Variants in WASF2 observed in about 807,000 individuals in gnomAD.
WASF2 encodes WASP family member 2.
In WASF2, 14 loss-of-function variants were observed where a neutral mutation model predicts 45.0. The observed-to-expected ratio is 0.31, with a 90% CI of 0.21 to 0.49. WASF2 has a LOEUF of 0.49. Among genes scored for constraint, WASF2 ranks in the 20% least tolerant of loss-of-function variants. WASF2 has a pLI of 0.99. For missense variants in WASF2, 439 were observed against 636.1 expected, an observed-to-expected ratio of 0.69 and a Z score of 3.33; for synonymous variants, 200 against 236.3, an observed-to-expected ratio of 0.85 and a Z score of 1.41.
intron 1 of WASF2, among the ~76,000 whole-genome samples, chr1:27,459,746 T>A (rs2017519693): frequency 6.6e-6 from 1 of 152,214 alleles, no homozygotes; most frequent in African/African-American, 2.4e-5. Context: ...AGGAAGGCTA[T>A]CTGATATAAA....
chr1:27,472,073 C>G (rs2017696249), intron 1 of WASF2, among the ~76,000 whole-genome samples: 1 of 152,154 alleles, frequency 6.6e-6, no homozygotes, highest in Non-Finnish European at 1.5e-5. Flanking sequence ...TGGCTTATGC[C>G]TGTAATCGCG....
intron 1 of WASF2, among the ~76,000 whole-genome samples, chr1:27,442,004 G>A (rs1305903814): frequency 6.6e-6 from 1 of 151,538 alleles, no homozygotes; most frequent in Non-Finnish European, 1.5e-5. Context: ...TACTCAGGAG[G>A]CTGAGGCAAG....
At chr1:27,425,490 G>A (rs2016966102) in intron 2 of WASF2, among the ~76,000 whole-genome samples, 1 of 152,068 alleles carries the variant, frequency 6.6e-6, no homozygotes, top group African/African-American at 2.4e-5. Flanking sequence ...ATCACCTGAG[G>A]TCAGGAGTTT....
In WASF2 at chr1:27,414,825, T is replaced by C. The variant is rs1193092713; in HGVS notation, c.668+8A>G. The C allele has an allele frequency of 3.1e-6, 5 of 1,613,982 alleles. No homozygotes were observed. Among genetic ancestry groups the C allele is most frequent in the South Asian group, 1.1e-5 (1 of 91,070 alleles). ...GAATGCTACCAACAGTACAAAGGCA[T>C]TACCTACCCAGAAGTCCCCAGCTTT... On this transcript the variant is annotated splice_region_variant and intron_variant, in intron 6 of 8. Coordinates refer to ENST00000618852, the MANE Select transcript of WASF2 (RefSeq NM_006990.5). This position sits in a 1 kb window ranked among gnomAD's most constrained non-coding sequence, Gnocchi z 4.1.
chr1:27,482,576 GTAATCT>G (rs551904793), intron 1 of WASF2, among the ~76,000 whole-genome samples: 1 of 152,128 alleles, frequency 6.6e-6, no homozygotes, highest in Non-Finnish European at 1.5e-5. Context: ...TTTACTCTAT[GTAATCT>G]TAATCAGTGG....
At chr1:27,419,755 A>C (rs973494663) in intron 2 of WASF2, among the ~76,000 whole-genome samples, 3 of 152,236 alleles carry the variant, frequency 2.0e-5, no homozygotes, top group Non-Finnish European at 2.9e-5. Flanking sequence ...ATAGGAAATT[A>C]GTTCCTCAAT....
chr1:27,437,044 G>A (rs994344327), intron 1 of WASF2, among the ~76,000 whole-genome samples: 1 of 152,106 alleles, frequency 6.6e-6, no homozygotes, highest in Non-Finnish European at 1.5e-5. Context: ...TTGAGCATAA[G>A]GTACATCTAT....
At chr1:27,430,327 A>G (rs533322538) in intron 1 of WASF2, among the ~76,000 whole-genome samples, 1 of 152,290 alleles carries the variant, frequency 6.6e-6, no homozygotes, top group Non-Finnish European at 1.5e-5. Flanking sequence ...GTAAAGCATA[A>G]AGTTAACATA....
chr1:27,422,893 C>A (rs1284995707), intron 2 of WASF2, among the ~76,000 whole-genome samples: 2 of 152,148 alleles, frequency 1.3e-5, no homozygotes, highest in Non-Finnish European at 2.9e-5. Context: ...AATCCCAATG[C>A]TTTGGGAGGC....
chr1:27,408,470 G>A (rs1443523423), intron 8 of WASF2, 124 bp from the exon 9 acceptor site: 2 of 1,309,034 alleles, frequency 1.5e-6, no homozygotes, highest in African/African-American at 1.5e-5. Context: ...AGAAAAAGAA[G>A]GTTGTTATGG....
At chr1:27,430,062 G>A (rs975141555) in intron 1 of WASF2, among the ~76,000 whole-genome samples, 4 of 152,114 alleles carry the variant, frequency 2.6e-5, no homozygotes, top group Admixed American at 6.5e-5. Context: ...TTTCTTATCC[G>A]GTGGGCTGAG....
intron 2 of WASF2, among the ~76,000 whole-genome samples, chr1:27,421,523 C>CA (rs2016908213): frequency 1.3e-5 from 2 of 151,744 alleles, no homozygotes; most frequent in African/African-American, 2.4e-5. Flanking sequence ...AATAAAATTA[C>CA]AAAAAAATTA....
chr1:27,483,315 C>T (rs2017878141), intron 1 of WASF2, among the ~76,000 whole-genome samples: 1 of 152,048 alleles, frequency 6.6e-6, no homozygotes, highest in African/African-American at 2.4e-5. Context: ...ACTAAAAATG[C>T]AAAAATTAGC....
intron 3 of WASF2, 142 bp downstream of exon 3, chr1:27,418,812 G>GGCTTGTGTGATTTCAAAGCAGAACTCTA: frequency 9.4e-7 from 1 of 1,062,510 alleles, no homozygotes; most frequent in Non-Finnish European, 1.3e-6. Flanking sequence ...CCAGCACTCA[G>GGCTTGTGTGATTTCAAAGCAGAACTCTA]GCTTGTGTGA....
At chr1:27,448,966 C>T (rs563508257) in intron 1 of WASF2, among the ~76,000 whole-genome samples, 1 of 152,174 alleles carries the variant, frequency 6.6e-6, no homozygotes, top group East Asian at 1.9e-4. Flanking sequence ...CCATCACACC[C>T]CACTGTACCA....
In WASF2 at chr1:27,423,197, A is replaced by T. The variant is rs557092338; in HGVS notation, c.131-4109T>A. Reference sequence around the variant, plus strand: ...AATACCCTAAGTTTTTGATTTTCAAATTTTTTTTTTTTATTTTTTAGACAG... The same window carrying T: ...AATACCCTAAGTTTTTGATTTTCAATTTTTTTTTTTTTATTTTTTAGACAG... On this transcript the variant is annotated intron_variant, in intron 2 of 8. Transcript: ENST00000618852. Among the ~76,000 whole-genome samples, 81 of 147,122 alleles carry T rather than the reference A, an allele frequency of 5.5e-4. 2 individuals are homozygous for T. In the South Asian group the frequency reaches 0.016, roughly 30 times the overall value.
At chr1:27,435,970 C>T (rs1037255031) in intron 1 of WASF2, among the ~76,000 whole-genome samples, 4 of 152,232 alleles carry the variant, frequency 2.6e-5, no homozygotes, top group Non-Finnish European at 5.9e-5. Context: ...AACATACCCC[C>T]AAAATGCTGA....
chr1:27,441,579 C>T (rs9438561), intron 1 of WASF2, among the ~76,000 whole-genome samples: 120,713 of 145,740 alleles, frequency 0.83, 50,408 homozygotes, highest in Admixed American at 0.91. Flanking sequence ...TGGTGAAACC[C>T]CATCTCTACT....
chr1:27,481,140 CAA>C (rs77693540), intron 1 of WASF2, among the ~76,000 whole-genome samples: 3 of 110,426 alleles, frequency 2.7e-5, no homozygotes, highest in Admixed American at 2.0e-4. Context: ...ACTAAAAATA[CAA>C]AAAAAAAAAA....
Sources: allele counts gnomAD v4.1 joint callset (sites outside exome capture counted in the v4.1 genomes callset), GRCh38; gene constraint gnomAD v4.1.1; non-coding constraint Gnocchi (gnomAD v3.1); transcripts MANE v1.5; gene names NCBI Gene and HGNC (gene_info 2026-07-23, HGNC 2026-07-21).